SLC9A9: variants seen among roughly 807,000 people sequenced by gnomAD.
SLC9A9 encodes the protein sodium/hydrogen exchanger 9.
SLC9A9 carries 62 observed loss-of-function variants against 77.8 expected under a neutral mutation model. The ratio of observed to expected loss-of-function variants is 0.80; its 90% CI spans 0.65 to 0.98. The LOEUF (loss-of-function observed/expected upper bound fraction) is 0.98. Among genes scored for constraint, SLC9A9 ranks in the 50% least tolerant of loss-of-function variants. The pLI is 0.00. For missense variants in SLC9A9, 775 were observed against 774.9 expected (o/e 1.00, Z 0.00); for synonymous variants, 320 against 283.5 (o/e 1.13, Z -1.29).
At chr3:143,653,267 A>C (rs1006090440) in intron 5 of SLC9A9, among the ~76,000 whole-genome samples, 10 of 152,206 alleles carry the variant, frequency 6.6e-5, no homozygotes, top group African/African-American at 2.4e-4. Flanking sequence ...CTCTGTGAGT[A>C]CATTAGGGCA....
At chr3:143,459,545 T>C (rs1487218017) in intron 12 of SLC9A9, among the ~76,000 whole-genome samples, 1 of 152,164 alleles carries the variant, frequency 6.6e-6, no homozygotes, top group Non-Finnish European at 1.5e-5. Flanking sequence ...TGATACCCAG[T>C]GTCCAGTTGG....
intron 12 of SLC9A9, among the ~76,000 whole-genome samples, chr3:143,400,465 C>T (rs1162066298): frequency 2.0e-5 from 3 of 152,044 alleles, no homozygotes; most frequent in East Asian, 1.9e-4. Flanking sequence ...TGTTCTCACT[C>T]ATAAGTGGGA....
At chr3:143,576,899 T>G (rs1264407148) in intron 7 of SLC9A9, among the ~76,000 whole-genome samples, 1 of 152,174 alleles carries the variant, frequency 6.6e-6, no homozygotes, top group African/African-American at 2.4e-5. Flanking sequence ...GAGATGCCAT[T>G]TTACAAGGTT....
intron 4 of SLC9A9, among the ~76,000 whole-genome samples, chr3:143,719,741 C>A (rs1934448111): frequency 6.6e-6 from 1 of 152,138 alleles, no homozygotes; most frequent in African/African-American, 2.4e-5. Flanking sequence ...TGAACTATCC[C>A]CAATTCTGAT....
At chr3:143,800,204 C>T (rs893965970) in intron 2 of SLC9A9, among the ~76,000 whole-genome samples, 1 of 152,140 alleles carries the variant, frequency 6.6e-6, no homozygotes, top group Non-Finnish European at 1.5e-5. Context: ...CTGCTCCCTC[C>T]TTGGTGACCA....
rs1937715745 is a variant in SLC9A9, at chr3:143,266,396, G to A, written c.*306C>T. The A allele has an allele frequency of 1.8e-6, 1 of 549,442 alleles. No homozygotes were observed. The highest frequency in any genetic ancestry group is 1.9e-5 in the African/African-American group (1 of 53,008). The allele number at this position is 549,442 out of a possible 1,614,324, so 34.0% of individuals were successfully genotyped here. ...GCCGCATTCGCAGCAGAAATGCCCT[G>A]AAGACCCAGCACAGCTGTCCCATCC... On this transcript the variant is annotated 3_prime_UTR_variant, in exon 16 of 16. Coordinates refer to ENST00000316549, the MANE Select transcript of SLC9A9 (RefSeq NM_173653.4).
intron 12 of SLC9A9, among the ~76,000 whole-genome samples, chr3:143,465,797 A>C (rs2035271077): frequency 6.6e-6 from 1 of 152,238 alleles, no homozygotes; most frequent in African/African-American, 2.4e-5. Flanking sequence ...CTGTGAAAGA[A>C]ATTGCAAGTC....
At chr3:143,311,301 T>C (rs111327283) in intron 14 of SLC9A9, among the ~76,000 whole-genome samples, 93 of 152,234 alleles carry the variant, frequency 6.1e-4, no homozygotes, top group Non-Finnish European at 1.0e-3. Flanking sequence ...AGACTTTTCA[T>C]ACACATCATT....
Position 143,268,944 on chromosome 3 carries a change from C to T in SLC9A9, c.1641G>A (p.Pro547=), listed in dbSNP as rs61750363. The change falls in exon 15 of 16, where the codon CCG becomes CCA. Residue 547 remains proline (P), a synonymous_variant. Coordinates refer to ENST00000316549, the MANE Select transcript of SLC9A9 (RefSeq NM_173653.4). ...ACCATTCAGGTAATGTTGTAGTCAG[C>T]GGAGGACCAGAGTGGGTTAAAATTG... ...LKPILTHSGP[P]LTTTLPEWCG... 2.2e-3 allele frequency: 3,618 copies of T among 1,613,366 alleles called. 5 individuals carry two copies. The highest frequency in any genetic ancestry group is 2.9e-3 in the Non-Finnish European group (3,375 of 1,179,600).
chr3:143,704,610 T>C (rs1206785436), intron 4 of SLC9A9, among the ~76,000 whole-genome samples: 1 of 152,178 alleles, frequency 6.6e-6, no homozygotes, highest in Admixed American at 6.5e-5. Context: ...TATATTGAAG[T>C]ATATCTGCAC....
intron 14 of SLC9A9, among the ~76,000 whole-genome samples, chr3:143,287,064 C>G (rs142998775): frequency 3.2e-4 from 48 of 152,080 alleles, no homozygotes; most frequent in African/African-American, 1.2e-3. Flanking sequence ...CTTGGATTAT[C>G]TGAGACACTT....
chr3:143,484,794 C>T (rs976234686), intron 11 of SLC9A9, among the ~76,000 whole-genome samples: 1 of 152,164 alleles, frequency 6.6e-6, no homozygotes, highest in African/African-American at 2.4e-5. Flanking sequence ...CTGGGTTCAA[C>T]TCAGGGTTAA....
chr3:143,274,134 G>C (rs903438114), intron 14 of SLC9A9, among the ~76,000 whole-genome samples: 3 of 152,198 alleles, frequency 2.0e-5, no homozygotes, highest in Non-Finnish European at 2.9e-5. Context: ...TGTGGAAGAA[G>C]ACTTTTTGCC....
At chr3:143,362,774 TTA>T (rs2032786825) in intron 14 of SLC9A9, among the ~76,000 whole-genome samples, 1 of 152,156 alleles carries the variant, frequency 6.6e-6, no homozygotes, top group African/African-American at 2.4e-5. Context: ...TTGCCTGGGA[TTA>T]GAGATGGATG....
chr3:143,750,482 T>C (rs1335895637), intron 4 of SLC9A9, among the ~76,000 whole-genome samples: 2 of 152,300 alleles, frequency 1.3e-5, no homozygotes, highest in East Asian at 1.9e-4. Flanking sequence ...AAAGCACTAA[T>C]TGAACTTCCC....
chr3:143,832,446 T>A (rs2009461792), intron 1 of SLC9A9, among the ~76,000 whole-genome samples: 1 of 152,184 alleles, frequency 6.6e-6, no homozygotes, highest in South Asian at 2.1e-4. Context: ...ATCTTCCCAT[T>A]TTTTTTCTCC....
Position 143,477,459 on chromosome 3 carries a change from G to C in SLC9A9, c.1316-10269C>G, listed in dbSNP as rs557577279. ...TGAGAAGCTGCATTTCTGACAAGCT[G>C]CCAGGTGATGCCAAGACTGCTGCTC... On this transcript the variant is annotated intron_variant, in intron 11 of 15. Coordinates refer to ENST00000316549, the MANE Select transcript of SLC9A9 (RefSeq NM_173653.4). Among the ~76,000 whole-genome samples the C allele has an allele frequency of 1.0e-3, 151 of 148,136 alleles. 1 individual carries two copies. Among genetic ancestry groups the C allele is most frequent in the African/African-American group, 3.7e-3 (150 of 40,330 alleles).
chr3:143,425,290 G>C (rs10935493), intron 12 of SLC9A9, among the ~76,000 whole-genome samples: 85,688 of 134,814 alleles, frequency 0.64, 26,793 homozygotes, highest in African/African-American at 0.73. Context: ...TTTTTTTTAA[G>C]TATAATCATC....
chr3:143,696,785 A>G (rs1933653898), intron 4 of SLC9A9, among the ~76,000 whole-genome samples: 2 of 152,178 alleles, frequency 1.3e-5, no homozygotes, highest in East Asian at 1.9e-4. Flanking sequence ...TAAATTGGAT[A>G]TTATAAAAAA....
Sources: allele counts gnomAD v4.1 joint callset (sites outside exome capture counted in the v4.1 genomes callset), GRCh38; gene constraint gnomAD v4.1.1; transcripts MANE v1.5; gene names NCBI Gene and HGNC (gene_info 2026-07-23, HGNC 2026-07-21).